Variants in MECOM observed in about 807,000 individuals in gnomAD.
The protein encoded by MECOM is MDS1 and EVI1 complex locus, also known as histone-lysine N-methyltransferase MECOM.
MECOM carries 13 observed loss-of-function variants against 116.3 expected under a neutral mutation model. The ratio of observed to expected loss-of-function variants is 0.11; its 90% CI spans 0.07 to 0.18. MECOM has a LOEUF of 0.18. MECOM is among the 10% of genes least tolerant of loss of function. The pLI is 1.00. For synonymous variants in MECOM, 528 were observed against 535.2 expected, an observed-to-expected ratio of 0.99 and a Z score of 0.19; for missense variants, 1,299 against 1,509.0, an observed-to-expected ratio of 0.86 and a Z score of 2.31.
intron 1 of MECOM, among the ~76,000 whole-genome samples, chr3:169,599,511 CAAAA>C (rs535539075): frequency 5.3e-5 from 5 of 94,558 alleles, no homozygotes; most frequent in African/African-American, 7.4e-5. Flanking sequence ...GACTCTGTCT[CAAAA>C]AAAAAAAAAA....
At chr3:169,337,930 T>C (rs750789133) in intron 2 of MECOM, among the ~76,000 whole-genome samples, 7 of 152,202 alleles carry the variant, frequency 4.6e-5, no homozygotes, top group Non-Finnish European at 8.8e-5. Context: ...AGCCTATCTG[T>C]CCTTTGTGAC....
chr3:169,360,218 G>GA (rs907020735), intron 2 of MECOM, among the ~76,000 whole-genome samples: 25 of 125,412 alleles, frequency 2.0e-4, no homozygotes, highest in African/African-American at 6.7e-4. Flanking sequence ...TTCTCTGTAA[G>GA]AAAAAAGCTC....
intron 2 of MECOM, among the ~76,000 whole-genome samples, chr3:169,163,618 C>A (rs765450074): frequency 3.3e-5 from 5 of 151,954 alleles, no homozygotes; most frequent in Non-Finnish European, 7.4e-5. Context: ...TAGAAGTAGC[C>A]CAAAGTCACC....
chr3:169,317,715 T>A (rs1035336688), intron 2 of MECOM, among the ~76,000 whole-genome samples: 5 of 152,214 alleles, frequency 3.3e-5, no homozygotes. Context: ...TTTTAGAACC[T>A]ACACAATTTA....
chr3:169,292,807 G>A (rs1309468949), intron 2 of MECOM, among the ~76,000 whole-genome samples: 2 of 152,164 alleles, frequency 1.3e-5, no homozygotes, highest in South Asian at 4.1e-4. Context: ...AATGTTTGCA[G>A]CCTCCCAGGG....
At chr3:169,417,607 G>A (rs1738889508) in intron 1 of MECOM, among the ~76,000 whole-genome samples, 1 of 151,432 alleles carries the variant, frequency 6.6e-6, no homozygotes, top group African/African-American at 2.4e-5. Context: ...CCCATTACTG[G>A]GTATATACCC....
At chr3:169,579,942 G>A (rs980573802) in intron 1 of MECOM, among the ~76,000 whole-genome samples, 1 of 152,078 alleles carries the variant, frequency 6.6e-6, no homozygotes, top group African/African-American at 2.4e-5. Context: ...GAGGATTTTC[G>A]TAGGAGCCCA....
chr3:169,626,483 C>CCTCT (rs143670750), intron 1 of MECOM, among the ~76,000 whole-genome samples: 24 of 150,998 alleles, frequency 1.6e-4, no homozygotes, highest in East Asian at 3.9e-4. Flanking sequence ...TGTAACTATT[C>CCTCT]CTCTCTCTCT....
rs562087027 is a variant in MECOM at position 169,610,218 on chromosome 3, A to G, written c.37+53118T>C. On this transcript the variant is annotated intron_variant, in intron 1 of 16. Coordinates refer to ENST00000651503, the MANE Select transcript of MECOM (RefSeq NM_004991.4). ...CCTGAATTTGGCAAGTTCTCAGTAC[A>G]TATATATGTATAAAAGTGGATGCCT... Among the ~76,000 whole-genome samples the G allele has an allele frequency of 1.2e-4, 19 of 152,296 alleles. No homozygotes were observed. The South Asian group carries it at 3.5e-3, about 28-fold the overall frequency.
chr3:169,396,288 C>A (rs1486866248), intron 1 of MECOM, among the ~76,000 whole-genome samples: 2 of 152,266 alleles, frequency 1.3e-5, no homozygotes, highest in Admixed American at 6.5e-5. Flanking sequence ...CCAGAAAATT[C>A]TCTTAATGTA....
intron 2 of MECOM, among the ~76,000 whole-genome samples, chr3:169,373,511 C>T (rs999222031): frequency 9.2e-5 from 14 of 152,040 alleles, no homozygotes; most frequent in African/African-American, 3.4e-4. Context: ...CCACATTTCT[C>T]TACTCAATTC....
intron 2 of MECOM, among the ~76,000 whole-genome samples, chr3:169,200,661 G>A (rs1231029729): frequency 6.6e-6 from 1 of 152,150 alleles, no homozygotes; most frequent in East Asian, 1.9e-4. Flanking sequence ...AGATATTTGG[G>A]CAATTAGGTC....
At chr3:169,308,504 C>A (rs569953016) in intron 2 of MECOM, among the ~76,000 whole-genome samples, 1 of 152,270 alleles carries the variant, frequency 6.6e-6, no homozygotes, top group East Asian at 1.9e-4. Context: ...AATATTCTAT[C>A]TACTGTTCAA....
At chr3:169,434,752 G>C (rs747394314) in intron 1 of MECOM, among the ~76,000 whole-genome samples, 2 of 152,178 alleles carry the variant, frequency 1.3e-5, no homozygotes, top group Non-Finnish European at 2.9e-5. Context: ...TATTTTTAAA[G>C]AATTCAATAA....
chr3:169,100,092 TCTTTCTTTC>T (rs1202860556), intron 12 of MECOM, among the ~76,000 whole-genome samples: 17 of 106,020 alleles, frequency 1.6e-4, no homozygotes, highest in Admixed American at 3.9e-4. Context: ...TTTCTTTCTT[TCTTTCTTTC>T]TTTTTTTTTT....
intron 1 of MECOM, among the ~76,000 whole-genome samples, chr3:169,589,138 C>T (rs1766104958): frequency 6.6e-6 from 1 of 151,854 alleles, no homozygotes; most frequent in Admixed American, 6.6e-5. Context: ...TGCAAATGGC[C>T]CTCTTTTTTC....
chr3:169,453,657 A>G (rs1745982549), intron 1 of MECOM, among the ~76,000 whole-genome samples: 1 of 152,232 alleles, frequency 6.6e-6, no homozygotes, highest in Non-Finnish European at 1.5e-5. Context: ...TAAGGAGTCT[A>G]TAATGCCGAG....
At chr3:169,494,329 G>T (rs1346804663) in intron 1 of MECOM, among the ~76,000 whole-genome samples, 2 of 152,030 alleles carry the variant, frequency 1.3e-5, no homozygotes, top group African/African-American at 4.8e-5. Flanking sequence ...ACACTGCCCA[G>T]TTCTTCCTCT....
At chr3:169,441,730 T>C (rs1432370342) in intron 1 of MECOM, among the ~76,000 whole-genome samples, 1 of 130,062 alleles carries the variant, frequency 7.7e-6, no homozygotes, top group Non-Finnish European at 1.7e-5. Flanking sequence ...CTTCTCTTCT[T>C]TTTTTTTTTT....
Sources: allele counts gnomAD v4.1 joint callset (sites outside exome capture counted in the v4.1 genomes callset), GRCh38; gene constraint gnomAD v4.1.1; transcripts MANE v1.5; gene names NCBI Gene and HGNC (gene_info 2026-07-23, HGNC 2026-07-21).